The following DCDC1 variants were observed in gnomAD, a reference collection of about 807,000 sequenced individuals.
DCDC1 encodes doublecortin domain-containing protein 1.
Under a neutral mutation model 178.3 loss-of-function variants are expected in DCDC1, and 200 were observed. That is an observed-to-expected ratio of 1.12 (90% CI 1.00 to 1.26). The LOEUF (loss-of-function observed/expected upper bound fraction) is 1.26. DCDC1 is among the 50% of genes most tolerant of loss of function. The probability of loss-of-function intolerance (pLI) is 0.00; values close to 1 mark genes in which losing one functional copy is unlikely to be tolerated. For synonymous variants in DCDC1, 690 were observed against 604.8 expected (o/e 1.14, Z -2.07); for missense variants, 1,983 against 1,749.2 (o/e 1.13, Z -2.38).
At chr11:31,174,804 C>T (rs1301281729) in intron 9 of DCDC1, among the ~76,000 whole-genome samples, 8 of 151,920 alleles carry the variant, frequency 5.3e-5, no homozygotes, top group African/African-American at 1.9e-4. Context: ...GAGCTGAACA[C>T]TCATCAGGAC....
intron 6 of DCDC1, among the ~76,000 whole-genome samples, chr11:31,292,736 C>T (rs1947323919): frequency 6.6e-6 from 1 of 151,924 alleles, no homozygotes; most frequent in Non-Finnish European, 1.5e-5. Context: ...TACTAAATTG[C>T]TCACTTTAAA....
At chr11:31,369,222 G>A (rs1048733184) in intron 1 of DCDC1, among the ~76,000 whole-genome samples, 4 of 152,156 alleles carry the variant, frequency 2.6e-5, no homozygotes, top group African/African-American at 9.7e-5. Flanking sequence ...TGAAATGAAA[G>A]CGAAGTGAAA....
At chr11:31,036,976 G>A (rs1954081237) in intron 20 of DCDC1, among the ~76,000 whole-genome samples, 3 of 152,088 alleles carry the variant, frequency 2.0e-5, no homozygotes, top group Admixed American at 1.3e-4. Flanking sequence ...AGATAGAGAG[G>A]TAAGTAACAT....
intron 1 of DCDC1, among the ~76,000 whole-genome samples, chr11:31,340,701 A>G (rs1228937570): frequency 6.6e-6 from 1 of 152,182 alleles, no homozygotes; most frequent in Non-Finnish European, 1.5e-5. Flanking sequence ...CCCCTGGGTA[A>G]GAAGGAATTC....
rs1945770655 is a variant in DCDC1 at position 30,915,518 on chromosome 11, C to A, written c.3646G>T (p.Asp1216Tyr). ...GSHQRWIHQEDSRTFHLVSNP... is the reference protein window; with the variant it reads ...GSHQRWIHQEYSRTFHLVSNP... ...CAAATATAATGGGATTACCTGCTGT[C>A]TTCCTGGTGTATCCAGCGCTGATGA... The change falls in exon 27 of 39, where the codon GAC becomes TAC. Residue 1216 changes from aspartate to tyrosine, a missense_variant. By Grantham distance (160) the Asp-to-Tyr change is radical. Coordinates refer to ENST00000684477, the MANE Select transcript of DCDC1 (RefSeq NM_001387274.1). 6.2e-7 allele frequency: 1 copy of A among 1,613,794 alleles called. No homozygotes were observed. The highest frequency in any genetic ancestry group is 8.5e-7 in the Non-Finnish European group (1 of 1,179,852).
chr11:31,210,567 T>C (rs1972387290), intron 9 of DCDC1, among the ~76,000 whole-genome samples: 1 of 151,664 alleles, frequency 6.6e-6, no homozygotes, highest in Non-Finnish European at 1.5e-5. Flanking sequence ...AAAAATTAGC[T>C]GGGCATGGTG....
In DCDC1 at chr11:30,990,078, C is replaced by T. The variant is rs145117735; in HGVS notation, c.2592-37510G>A. ...AAGAAACCCTAAGATGGGAAGAAGACGCTTTTTCAAGAGACATTGTGAAAA... is the reference window on the plus strand; with the variant it reads ...AAGAAACCCTAAGATGGGAAGAAGATGCTTTTTCAAGAGACATTGTGAAAA... On this transcript the variant is annotated intron_variant, in intron 20 of 38. Coordinates refer to ENST00000684477, the MANE Select transcript of DCDC1 (RefSeq NM_001387274.1). 3.9e-5 allele frequency among the ~76,000 whole-genome samples: 6 copies of T among 152,154 alleles called. No individual in the cohort carries two copies. The South Asian group carries it at 6.2e-4, about 16-fold the overall frequency.
intron 11 of DCDC1, among the ~76,000 whole-genome samples, chr11:31,126,913 T>C (rs568301508): frequency 2.6e-4 from 40 of 152,212 alleles, no homozygotes; most frequent in Non-Finnish European, 3.4e-4. Flanking sequence ...AGAGGACATT[T>C]AGCGATCTTG....
intron 17 of DCDC1, among the ~76,000 whole-genome samples, chr11:31,088,003 T>C (rs1957582423): frequency 6.6e-6 from 1 of 152,118 alleles, no homozygotes; most frequent in Non-Finnish European, 1.5e-5. Flanking sequence ...AGCTGTGCCA[T>C]TTTTAAAAAA....
chr11:31,267,530 T>A (rs373316858), intron 7 of DCDC1, among the ~76,000 whole-genome samples: 2 of 152,204 alleles, frequency 1.3e-5, no homozygotes, highest in South Asian at 2.1e-4. Context: ...GAGGAAAAGA[T>A]CATTCGCAAC....
intron 9 of DCDC1, among the ~76,000 whole-genome samples, chr11:31,203,654 C>T (rs969452368): frequency 1.3e-5 from 2 of 152,098 alleles, no homozygotes; most frequent in African/African-American, 4.8e-5. Flanking sequence ...TTGATGTCTC[C>T]TTCCACAAAA....
chr11:31,161,143 C>T (rs1421367544), intron 9 of DCDC1, among the ~76,000 whole-genome samples: 1 of 152,024 alleles, frequency 6.6e-6, no homozygotes, highest in Non-Finnish European at 1.5e-5. Context: ...GCTGTGATTG[C>T]AGTACAGATT....
chr11:31,340,698 G>T (rs1053384843), intron 1 of DCDC1, among the ~76,000 whole-genome samples: 1 of 152,086 alleles, frequency 6.6e-6, no homozygotes, highest in African/African-American at 2.4e-5. Context: ...CTTCCCCTGG[G>T]TAAGAAGGAA....
At chr11:30,896,502 T>C (rs377558232) in intron 34 of DCDC1, among the ~76,000 whole-genome samples, 24 of 152,326 alleles carry the variant, frequency 1.6e-4, no homozygotes, top group East Asian at 7.7e-4. Flanking sequence ...TTCGCTGTCT[T>C]ATTGGGAGGC....
chr11:30,902,224 T>C (rs753698085), intron 32 of DCDC1, among the ~76,000 whole-genome samples: 2 of 152,144 alleles, frequency 1.3e-5, no homozygotes, highest in Admixed American at 6.6e-5. Context: ...TTCTTGTGAA[T>C]AGAATTAAGA....
intron 9 of DCDC1, among the ~76,000 whole-genome samples, chr11:31,214,278 G>C (rs1973247714): frequency 6.6e-6 from 1 of 151,840 alleles, no homozygotes; most frequent in Non-Finnish European, 1.5e-5. Flanking sequence ...TGAAAATCTT[G>C]GAACAAGGGT....
At chr11:30,904,178 GT>G (rs1944900204) in intron 31 of DCDC1, 1 of 152,234 alleles carries the variant, frequency 6.6e-6, no homozygotes. Flanking sequence ...AAAGCCAGCT[GT>G]GGATCCCTGG....
At chr11:31,179,512 T>A (rs1244380036) in intron 9 of DCDC1, among the ~76,000 whole-genome samples, 1 of 152,208 alleles carries the variant, frequency 6.6e-6, no homozygotes, top group Non-Finnish European at 1.5e-5. Flanking sequence ...AAGGAAATGC[T>A]GTCATTTGTG....
At chr11:30,933,752 C>T (rs911026945) in intron 21 of DCDC1, among the ~76,000 whole-genome samples, 1 of 152,206 alleles carries the variant, frequency 6.6e-6, no homozygotes, top group African/African-American at 2.4e-5. Flanking sequence ...CAACATCCCA[C>T]TGCTGTTAAG....
Sources: gnomAD v4.1 joint callset for allele counts (sites outside exome capture counted in the v4.1 genomes callset) on GRCh38, gnomAD v4.1.1 for gene constraint, MANE v1.5 for transcripts, NCBI Gene and HGNC (gene_info 2026-07-23, HGNC 2026-07-21) for gene names.